The following PATJ variants were observed in gnomAD, a reference collection of about 807,000 sequenced individuals.
PATJ encodes PATJ crumbs cell polarity complex component.
In PATJ, 190 loss-of-function variants were observed where a neutral mutation model predicts 224.9. The observed-to-expected ratio is 0.84, with a 90% CI of 0.75 to 0.95. The LOEUF is 0.95. Ranked by LOEUF, PATJ falls within the 40% of genes least tolerant of loss-of-function variation. The pLI, the probability that PATJ is intolerant of heterozygous loss-of-function variation, is 0.00. For synonymous variants in PATJ, 769 were observed against 820.3 expected, an observed-to-expected ratio of 0.94 and a Z score of 1.07; for missense variants, 2,121 against 2,270.3, an observed-to-expected ratio of 0.93 and a Z score of 1.34.
chr1:62,156,275 T>A (rs1438098449), intron 43 of PATJ, among the ~76,000 whole-genome samples: 1 of 151,584 alleles, frequency 6.6e-6, no homozygotes, highest in Non-Finnish European at 1.5e-5. Flanking sequence ...ACGCCTGTAA[T>A]CCCTAGCACT....
At chr1:61,958,187 G>A (rs1444209566) in intron 27 of PATJ, among the ~76,000 whole-genome samples, 1 of 152,078 alleles carries the variant, frequency 6.6e-6, no homozygotes, top group Non-Finnish European at 1.5e-5. Flanking sequence ...GTGTTTACAT[G>A]TTTGTAATTT....
chr1:62,125,236 C>CAAAAAAAAAAAAAAAAAAAAAAAAAAAAA lies in PATJ; in HGVS notation c.5043+2195_5043+2196insAAAAAAAAAAAAAAAAAAAAAAAAAAAAA, dbSNP rs761278812. On this transcript the variant is annotated intron_variant, in intron 39 of 43. Coordinates refer to ENST00000642238, the MANE Select transcript of PATJ (RefSeq NM_001350145.3). ...TGGGTGACAGAGTAAAACCCTGTCT[C>CAAAAAAAAAAAAAAAAAAAAAAAAAAAAA]AAAAAAAAAAAAAAAAACAAAAAAA... Among the ~76,000 whole-genome samples the CAAAAAAAAAAAAAAAAAAAAAAAAAAAAA allele has an allele frequency of 1.4e-4, 4 of 27,750 alleles. 1 individual carries two copies. The highest frequency in any genetic ancestry group is 2.7e-4 in the Non-Finnish European group (4 of 14,764). The allele number at this position is 27,750 out of a possible 152,430, so 18.2% of individuals were successfully genotyped here. A position where few individuals can be genotyped will look rare whatever the true frequency, so the allele number is the denominator to read the frequency against.
intron 41 of PATJ, among the ~76,000 whole-genome samples, chr1:62,147,793 G>C (rs955691549): frequency 6.9e-6 from 1 of 145,460 alleles, no homozygotes; most frequent in African/African-American, 2.6e-5. Flanking sequence ...GCGAGACTCC[G>C]ACTAAAAAAA....
rs562197955 is a variant in PATJ, at chr1:61,938,610, G to A, written c.3670+10781G>A. On this transcript the variant is annotated intron_variant, in intron 27 of 43. Transcript: ENST00000642238. ...CACACCTGTAATTCTAGCACTTTGG[G>A]AAGCTGAGGCAGGAGGATCACTTGT... Among the ~76,000 whole-genome samples, 516 of 152,256 alleles carry A rather than the reference G, an allele frequency of 3.4e-3. 2 individuals carry two copies. Among genetic ancestry groups the A allele is most frequent in the Non-Finnish European group, 5.7e-3 (385 of 68,012 alleles).
At chr1:62,004,338 ATTGT>A (rs1393488452) in intron 28 of PATJ, among the ~76,000 whole-genome samples, 3 of 152,176 alleles carry the variant, frequency 2.0e-5, no homozygotes, top group Admixed American at 6.5e-5. Flanking sequence ...TTATGCAATG[ATTGT>A]TAAGTGAATA....
At chr1:62,106,158 GTATATATATATATA>G (rs61653676) in intron 33 of PATJ, among the ~76,000 whole-genome samples, 3 of 48,064 alleles carry the variant, frequency 6.2e-5, no homozygotes, top group Middle Eastern at 0.014. Flanking sequence ...GTGTGTGTGT[GTATATATATATATA>G]TATATATATA....
intron 29 of PATJ, among the ~76,000 whole-genome samples, chr1:62,035,523 G>A (rs570685308): frequency 1.2e-3 from 182 of 152,216 alleles, no homozygotes; most frequent in African/African-American, 4.1e-3. Context: ...GTTAGTTAGC[G>A]GCAGGGCTGG....
intron 27 of PATJ, among the ~76,000 whole-genome samples, chr1:61,971,788 G>A (rs1197370056): frequency 6.6e-6 from 1 of 151,390 alleles, no homozygotes; most frequent in African/African-American, 2.4e-5. Context: ...GATCCCAGGA[G>A]TTTGAGACCA....
chr1:61,763,257 G>T lies in PATJ; in HGVS notation c.189+78G>T. 1.1e-5 allele frequency: 9 copies of T among 835,872 alleles called. No homozygotes were observed. The South Asian group carries it at 1.3e-4, about 12-fold the overall frequency. The allele number at this position is 835,872 out of a possible 1,614,324, so 51.8% of individuals were successfully genotyped here. On this transcript the variant is annotated intron_variant, in intron 3 of 43. Coordinates refer to ENST00000642238, the MANE Select transcript of PATJ (RefSeq NM_001350145.3). ...CCATCAAAGAAAGATAGAGGAGATA[G>T]ACAAAGACAAATTATCTTTAAGGAC...
At chr1:61,864,782 A>G in intron 20 of PATJ, 149 bp downstream of exon 20, 1 of 625,626 alleles carries the variant, frequency 1.6e-6, no homozygotes, top group South Asian at 2.7e-5. Context: ...TCCAGTGTCT[A>G]GCTGTAAGTA....
intron 41 of PATJ, among the ~76,000 whole-genome samples, chr1:62,142,758 C>T (rs1314450582): frequency 2.0e-5 from 3 of 152,064 alleles, no homozygotes; most frequent in Non-Finnish European, 2.9e-5. Context: ...ATGCCAGGCA[C>T]GCTGGTTTGG....
chr1:62,062,028 G>T (rs2148645519), intron 31 of PATJ, among the ~76,000 whole-genome samples: 1 of 152,242 alleles, frequency 6.6e-6, no homozygotes, highest in South Asian at 2.1e-4. Flanking sequence ...CTTTGCTATT[G>T]TGAATAGTGC....
At chr1:61,980,095 G>T (rs978420898) in intron 27 of PATJ, among the ~76,000 whole-genome samples, 2 of 151,920 alleles carry the variant, frequency 1.3e-5, no homozygotes. Context: ...ATGCCATATT[G>T]TTATGTAGGG....
At chr1:61,908,841 A>G (rs1182817021) in intron 25 of PATJ, among the ~76,000 whole-genome samples, 1 of 152,234 alleles carries the variant, frequency 6.6e-6, no homozygotes, top group African/African-American at 2.4e-5. Context: ...GTGTAAAAAC[A>G]TTGTAGAGAT....
intron 17 of PATJ, among the ~76,000 whole-genome samples, chr1:61,837,052 G>A (rs968557374): frequency 1.3e-5 from 2 of 152,176 alleles, no homozygotes; most frequent in African/African-American, 4.8e-5. Flanking sequence ...CTTTTCTCTA[G>A]AACAAGAACT....
chr1:62,154,088 G>A (rs923390970), intron 43 of PATJ, among the ~76,000 whole-genome samples: 3 of 151,996 alleles, frequency 2.0e-5, no homozygotes, highest in Non-Finnish European at 4.4e-5. Context: ...TAGAGACGGG[G>A]TTTCGCCATG....
At chr1:62,006,568 A>T (rs1646108419) in intron 28 of PATJ, among the ~76,000 whole-genome samples, 1 of 152,246 alleles carries the variant, frequency 6.6e-6, no homozygotes, top group African/African-American at 2.4e-5. Flanking sequence ...TAACAAAAGG[A>T]TTTGAATTCA....
chr1:61,823,917 T>C (rs1477265711), intron 15 of PATJ, among the ~76,000 whole-genome samples: 1 of 152,192 alleles, frequency 6.6e-6, no homozygotes, highest in Admixed American at 6.5e-5. Context: ...AGTTATCAAA[T>C]TCTGTCATAA....
chr1:62,020,954 T>G (rs1358844401), intron 29 of PATJ, among the ~76,000 whole-genome samples: 5 of 151,950 alleles, frequency 3.3e-5, no homozygotes, highest in African/African-American at 1.2e-4. Context: ...ATCTCCCGAG[T>G]AGCTGGGACT....
Sources: allele counts gnomAD v4.1 joint callset (sites outside exome capture counted in the v4.1 genomes callset), GRCh38; gene constraint gnomAD v4.1.1; transcripts MANE v1.5; gene names NCBI Gene and HGNC (gene_info 2026-07-23, HGNC 2026-07-21).